Variants in MTMR10 observed in about 807,000 individuals in gnomAD.
MTMR10 encodes myotubularin related protein 10.
Under a neutral mutation model 88.1 loss-of-function variants are expected in MTMR10, and 56 were observed. That is an observed-to-expected ratio of 0.64 (90% CI 0.51 to 0.79). The LOEUF (loss-of-function observed/expected upper bound fraction) is 0.79, where lower values mean the gene tolerates loss of function less well. Ranked by LOEUF, MTMR10 falls within the 30% of genes least tolerant of loss-of-function variation. The probability of loss-of-function intolerance (pLI) is 0.00; values close to 1 mark genes in which losing one functional copy is unlikely to be tolerated. For synonymous variants in MTMR10, 380 were observed against 340.9 expected (o/e 1.11, Z -1.26); for missense variants, 883 against 924.7 (o/e 0.95, Z 0.58).
chr15:30,942,240 A>G (rs572273830), intron 15 of MTMR10, 168 bp from the exon 16 acceptor site: 15 of 867,920 alleles, frequency 1.7e-5, no homozygotes, highest in Non-Finnish European at 2.5e-5. Flanking sequence ...CTCCCCTGGA[A>G]TTACACTTTT....
At chr15:30,971,849 T>G (rs1489412714) in intron 5 of MTMR10, among the ~76,000 whole-genome samples, 1 of 152,154 alleles carries the variant, frequency 6.6e-6, no homozygotes, top group Admixed American at 6.5e-5. Context: ...TTCCCAAATA[T>G]CACTATTTTC....
chr15:30,941,461 C>T lies in MTMR10; in HGVS notation c.*9G>A. ...AGCTTCCCTCAAAATGTTCAGAAAA[C>T]ACCCTATTTTAGTCTTCATTTGCTA... On this transcript the variant is annotated 3_prime_UTR_variant, in exon 16 of 16. Coordinates refer to ENST00000435680, the MANE Select transcript of MTMR10 (RefSeq NM_017762.3). 6.3e-7 allele frequency: 1 copy of T among 1,591,166 alleles called. No homozygotes were observed.
At position 30,961,629 on chromosome 15, in the gene MTMR10, A is replaced by G. The variant is rs185545916; in HGVS notation, c.566-556T>C. ...ATTTTTCTCTCCTTCTACTGGCTCT[A>G]TCTTCTCTGCCTTCAAACGTAAACA... On this transcript the variant is annotated intron_variant, in intron 6 of 15. Coordinates refer to ENST00000435680, the MANE Select transcript of MTMR10 (RefSeq NM_017762.3). Among the ~76,000 whole-genome samples, 22 of 152,264 alleles carry G rather than the reference A, an allele frequency of 1.4e-4. No homozygotes were observed. In the East Asian group the frequency reaches 4.0e-3, roughly 28 times the overall value.
At chr15:30,961,428 A>C (rs753804012) in intron 6 of MTMR10, among the ~76,000 whole-genome samples, 1 of 151,996 alleles carries the variant, frequency 6.6e-6, no homozygotes, top group Non-Finnish European at 1.5e-5. Context: ...TTTAATAGAG[A>C]CAGGGTTTCA....
At chr15:30,929,484 A>C in the MTMR10 span, 1 of 867,778 alleles carries the variant, frequency 1.2e-6, no homozygotes, top group Non-Finnish European at 1.8e-6. Context: ...CAAAATACAC[A>C]TGTGTGTATA....
intron 14 of MTMR10, chr15:30,943,422 T>A (rs1281822283): frequency 1.0e-6 from 1 of 984,932 alleles, no homozygotes; most frequent in Non-Finnish European, 1.2e-6. Context: ...AGTATTTTAC[T>A]TTTATGAGCA....
At chr15:30,960,736 TA>T in intron 7 of MTMR10, 144 bp downstream of exon 7, 1 of 1,158,432 alleles carries the variant, frequency 8.6e-7, no homozygotes, top group Non-Finnish European at 1.1e-6. Flanking sequence ...CCTTGATCTT[TA>T]AAATAAAATA....
At chr15:30,923,575 C>T in the MTMR10 span, among the ~76,000 whole-genome samples, 1 of 152,200 alleles carries the variant, frequency 6.6e-6, no homozygotes, top group East Asian at 1.9e-4. Context: ...GAAGGGATCG[C>T]CTAGCTGAGT....
chr15:30,977,047 G>C (rs1360397669), intron 2 of MTMR10, 92 bp from the exon 3 acceptor site: 10 of 1,216,696 alleles, frequency 8.2e-6, no homozygotes, highest in Non-Finnish European at 9.3e-6. Context: ...TGAGGGCAAG[G>C]ATGAGGATAG....
downstream of MTMR10, chr15:30,937,332 TTTG>T (rs1221602484): frequency 5.3e-5 from 75 of 1,413,304 alleles, no homozygotes; most frequent in Non-Finnish European, 7.1e-5. Flanking sequence ...TTTATTTAAT[TTTG>T]TTATCGTGCA....
At position 30,987,401 on chromosome 15, in the gene MTMR10, T is replaced by C. The variant is rs2031008289; in HGVS notation, c.121+3376A>G. 2.0e-5 allele frequency among the ~76,000 whole-genome samples: 3 copies of C among 152,248 alleles called. No homozygotes were observed. In the South Asian group the frequency reaches 6.2e-4, roughly 31 times the overall value. On this transcript the variant is annotated intron_variant, in intron 2 of 15. Coordinates refer to ENST00000435680, the MANE Select transcript of MTMR10 (RefSeq NM_017762.3). ...TCAGAGTTTCATGTATCAGGAAAGC[T>C]GAAAATTACTAACATAAACCACAAT...
downstream of MTMR10, among the ~76,000 whole-genome samples, chr15:30,934,482 TC>T (rs1347585213): frequency 6.6e-6 from 1 of 152,226 alleles, no homozygotes; most frequent in Admixed American, 6.5e-5. Context: ...AACTCTTTTG[TC>T]CCTTGTCTTT....
downstream of MTMR10, chr15:30,936,976 T>C: frequency 1.5e-6 from 1 of 670,392 alleles, no homozygotes; most frequent in South Asian, 2.0e-5. Context: ...TGAAGGACCA[T>C]CCGTATATTT....
intron 14 of MTMR10, chr15:30,943,533 G>C (rs1225380989): frequency 1.0e-6 from 1 of 985,328 alleles, no homozygotes; most frequent in Non-Finnish European, 1.2e-6. Context: ...TTCGTAAGTG[G>C]GGAGCTACAC....
downstream of MTMR10, among the ~76,000 whole-genome samples, chr15:30,936,703 T>C (rs1048027827): frequency 1.9e-4 from 29 of 152,220 alleles, no homozygotes; most frequent in African/African-American, 6.8e-4. Context: ...CCAAACCTCA[T>C]AGCTTAGCTT....
the MTMR10 span, chr15:30,928,442 T>A: frequency 6.6e-7 from 1 of 1,512,834 alleles, no homozygotes; most frequent in Non-Finnish European, 8.8e-7. Context: ...TTTCTATTAT[T>A]TTCTTGAAAT....
At chr15:30,967,893 C>T (rs1042443183) in intron 6 of MTMR10, 27 bp downstream of exon 6, 4 of 1,496,938 alleles carry the variant, frequency 2.7e-6, no homozygotes, top group Non-Finnish European at 3.6e-6. Flanking sequence ...TAAAATTAGT[C>T]ACAATATTTA....
Position 30,990,845 on chromosome 15 carries a change from A to T in MTMR10, c.61-8T>A, listed in dbSNP as rs1224156258. The T allele has an allele frequency of 1.3e-6, 2 of 1,592,836 alleles. No individual in the cohort carries two copies. Among genetic ancestry groups the T allele is most frequent in the Non-Finnish European group, 1.7e-6 (2 of 1,168,584 alleles). ...ATTGATCTTATCGTCAGTCTGAAATACATTAGCAAAATAAATCAAAATCTC... is the reference window on the plus strand; with the variant it reads ...ATTGATCTTATCGTCAGTCTGAAATTCATTAGCAAAATAAATCAAAATCTC... On this transcript the variant is annotated splice_polypyrimidine_tract_variant and splice_region_variant and intron_variant, in intron 1 of 15. Transcript: ENST00000435680.
At chr15:30,927,029 G>A in the MTMR10 span, 10 of 985,064 alleles carry the variant, frequency 1.0e-5, no homozygotes, top group Middle Eastern at 5.2e-4. Flanking sequence ...GTTAAGGAAC[G>A]AACCAGGCAC....
Sources: gnomAD v4.1 joint callset for allele counts (sites outside exome capture counted in the v4.1 genomes callset) on GRCh38, gnomAD v4.1.1 for gene constraint, MANE v1.5 for transcripts, NCBI Gene and HGNC (gene_info 2026-07-23, HGNC 2026-07-21) for gene names.